DGKI: variants seen among roughly 807,000 people sequenced by gnomAD.
The protein encoded by DGKI is diacylglycerol kinase iota, also known as DAG kinase iota.
In DGKI, 55 loss-of-function variants were observed where a neutral mutation model predicts 147.5. The observed-to-expected ratio is 0.37, with a 90% confidence interval of 0.30 to 0.47. DGKI has a LOEUF of 0.47. DGKI is among the 20% of genes least tolerant of loss of function. The pLI is 1.00. For synonymous variants in DGKI, 469 were observed against 477.1 expected (o/e 0.98, Z 0.22); for missense variants, 1,007 against 1,323.8 (o/e 0.76, Z 3.71).
rs182820582 is a variant in DGKI, at chr7:137,755,606, T to C, written c.402-65604A>G. ...AACCACAGTCCTCATCTGAAAAATC[T>C]TGTAACTGCCAATCCCCCAAGGGAA... On this transcript the variant is annotated intron_variant, in intron 1 of 32. Transcript: ENST00000614521. Among the ~76,000 whole-genome samples, 184 of 152,286 alleles carry C rather than the reference T, an allele frequency of 1.2e-3. 1 individual carries two copies. Among genetic ancestry groups the C allele is most frequent in the African/African-American group, 4.1e-3 (172 of 41,554 alleles).
chr7:137,746,732 G>T (rs114920638), intron 1 of DGKI, among the ~76,000 whole-genome samples: 100 of 120,192 alleles, frequency 8.3e-4, no homozygotes, highest in African/African-American at 2.5e-3. Flanking sequence ...ATCTGAGGTT[G>T]TGAGTCCAAA....
intron 19 of DGKI, among the ~76,000 whole-genome samples, chr7:137,559,317 C>T (rs1039302239): frequency 4.0e-5 from 6 of 151,602 alleles, no homozygotes; most frequent in African/African-American, 1.5e-4. Context: ...GTGATCTGCC[C>T]GCCTCGGCCT....
intron 26 of DGKI, among the ~76,000 whole-genome samples, chr7:137,465,510 T>G (rs1213099987): frequency 6.6e-6 from 1 of 152,192 alleles, no homozygotes; most frequent in Non-Finnish European, 1.5e-5. Context: ...TGGTATGTCA[T>G]AGTTATTATT....
chr7:137,785,513 C>G (rs2116905092), intron 1 of DGKI, among the ~76,000 whole-genome samples: 1 of 151,800 alleles, frequency 6.6e-6, no homozygotes, highest in Admixed American at 6.6e-5. Flanking sequence ...AGTCCAGGAC[C>G]AGACAAATTC....
chr7:137,607,887 ATTTCT>A (rs572231150), intron 10 of DGKI, among the ~76,000 whole-genome samples: 114 of 152,316 alleles, frequency 7.5e-4, no homozygotes, highest in Non-Finnish European at 1.2e-3. Context: ...GCTTACACAA[ATTTCT>A]TTTCCTTGTT....
intron 1 of DGKI, among the ~76,000 whole-genome samples, chr7:137,799,679 C>A (rs986564469): frequency 2.7e-4 from 41 of 152,268 alleles, no homozygotes; most frequent in African/African-American, 9.4e-4. Context: ...CTAAGGAAAA[C>A]TGATCAAAAT....
At chr7:137,471,163 G>T (rs1336659260) in intron 23 of DGKI, among the ~76,000 whole-genome samples, 1 of 152,174 alleles carries the variant, frequency 6.6e-6, no homozygotes, top group Non-Finnish European at 1.5e-5. Flanking sequence ...GCCCTGGTTT[G>T]CAGTGGAATT....
rs928849242 is a variant in DGKI, at chr7:137,813,680, G to C, written c.401+32782C>G. ...CCAGACCACTTTGCAAAGATGACTG[G>C]AAGTCCTTAGCTATAAATTTCAAAT... On this transcript the variant is annotated intron_variant, in intron 1 of 32. Coordinates refer to ENST00000614521, the MANE Select transcript of DGKI (RefSeq NM_001321708.2). 3.9e-5 allele frequency among the ~76,000 whole-genome samples: 6 copies of C among 152,188 alleles called. No homozygotes were observed. The East Asian group carries it at 1.2e-3, about 29-fold the overall frequency.
rs1811294413 is a variant in DGKI, at chr7:137,389,863, T to C, written c.*1357A>G. 1 of 152,174 alleles carries C rather than the reference T, an allele frequency of 6.6e-6. No individual in the cohort carries two copies. Among genetic ancestry groups the C allele is most frequent in the Non-Finnish European group, 1.5e-5 (1 of 68,018 alleles). 9.4% of individuals were successfully genotyped at this position (152,174 alleles called of 1,614,324 possible). ...GAAAAATAAAGTAGATAAAATAATA[T>C]ATTAGACTACCCCATACATAGAAAA... On this transcript the variant is annotated 3_prime_UTR_variant, in exon 33 of 33. Transcript: ENST00000614521.
intron 6 of DGKI, among the ~76,000 whole-genome samples, chr7:137,639,937 C>T (rs1306889372): frequency 1.3e-5 from 2 of 152,020 alleles, no homozygotes; most frequent in African/African-American, 4.8e-5. Flanking sequence ...CCATGAATCA[C>T]CACAATCCAT....
chr7:137,506,584 G>A (rs137992367), intron 21 of DGKI, among the ~76,000 whole-genome samples: 7 of 152,168 alleles, frequency 4.6e-5, no homozygotes, highest in East Asian at 1.9e-4. Flanking sequence ...GAATCCTAAC[G>A]TACACTATGG....
intron 1 of DGKI, among the ~76,000 whole-genome samples, chr7:137,694,319 C>CA (rs56163124): frequency 0.03 from 2,357 of 77,480 alleles, 24 homozygotes; most frequent in East Asian, 0.057. Flanking sequence ...GACTCCGTCT[C>CA]AAAAAAAAAA....
At chr7:137,527,655 A>G (rs1412292273) in intron 20 of DGKI, among the ~76,000 whole-genome samples, 1 of 152,194 alleles carries the variant, frequency 6.6e-6, no homozygotes, top group African/African-American at 2.4e-5. Context: ...AACACGCACT[A>G]TGTAGAAACA....
intron 12 of DGKI, among the ~76,000 whole-genome samples, chr7:137,597,324 A>AT (rs1211257750): frequency 2.0e-5 from 3 of 152,290 alleles, no homozygotes; most frequent in African/African-American, 7.2e-5. Context: ...CATTCTATGC[A>AT]TATAACAAAA....
At chr7:137,529,034 A>G (rs1351782247) in intron 20 of DGKI, among the ~76,000 whole-genome samples, 1 of 152,216 alleles carries the variant, frequency 6.6e-6, no homozygotes. Context: ...TGGCTAACAT[A>G]TTGCAAACAG....
At chr7:137,689,357 CAAGTT>C (rs1385430483) in intron 2 of DGKI, among the ~76,000 whole-genome samples, 2 of 152,146 alleles carry the variant, frequency 1.3e-5, no homozygotes, top group African/African-American at 4.8e-5. Context: ...ATCTTCAAGT[CAAGTT>C]AATAGTTTTT....
intron 30 of DGKI, among the ~76,000 whole-genome samples, chr7:137,402,564 T>C (rs1369648612): frequency 1.3e-5 from 2 of 152,236 alleles, no homozygotes; most frequent in Non-Finnish European, 2.9e-5. Flanking sequence ...CAATATTATA[T>C]TTGTATTATA....
At chr7:137,796,437 T>G (rs540385457) in intron 1 of DGKI, among the ~76,000 whole-genome samples, 2 of 151,956 alleles carry the variant, frequency 1.3e-5, no homozygotes, top group Non-Finnish European at 2.9e-5. Context: ...GAGATGGAGA[T>G]TGCAGTGAGC....
intron 20 of DGKI, among the ~76,000 whole-genome samples, chr7:137,532,933 C>T (rs558594377): frequency 1.3e-5 from 2 of 152,158 alleles, no homozygotes; most frequent in South Asian, 4.1e-4. Context: ...TATTCATCAA[C>T]AAAAATAACT....
Sources: allele counts gnomAD v4.1 joint callset (sites outside exome capture counted in the v4.1 genomes callset), GRCh38; gene constraint gnomAD v4.1.1; transcripts MANE v1.5; gene names NCBI Gene and HGNC (gene_info 2026-07-23, HGNC 2026-07-21).